The following LRRC41 variants were observed in gnomAD, a reference collection of about 807,000 sequenced individuals.
The protein encoded by LRRC41 is leucine rich repeat containing 41.
Under a neutral mutation model 72.1 loss-of-function variants are expected in LRRC41, and 17 were observed. That is an observed-to-expected ratio of 0.24 (90% CI 0.16 to 0.35). The LOEUF is 0.35. LRRC41 is among the 10% of genes least tolerant of loss of function. The probability of loss-of-function intolerance (pLI) is 1.00; values close to 1 mark genes in which losing one functional copy is unlikely to be tolerated. For synonymous variants in LRRC41, 427 were observed against 431.0 expected, an observed-to-expected ratio of 0.99 and a Z score of 0.11; for missense variants, 759 against 1,065.0, an observed-to-expected ratio of 0.71 and a Z score of 4.00.
At chr1:46,290,283 G>A (rs577267449) in intron 3 of LRRC41, among the ~76,000 whole-genome samples, 1 of 152,260 alleles carries the variant, frequency 6.6e-6, no homozygotes, top group East Asian at 1.9e-4. Context: ...AGTGGTGCAT[G>A]CCTGTAATCC....
In LRRC41 at chr1:46,286,820, A is replaced by AT. The variant is rs779928940; in HGVS notation, c.358-322dup. Among the ~76,000 whole-genome samples the AT allele has an allele frequency of 5.4e-4, 81 of 149,814 alleles. No homozygotes were observed. The highest frequency in any genetic ancestry group is 4.2e-3 in the Admixed American group (63 of 14,970). On this transcript the variant is annotated intron_variant, in intron 3 of 9. Transcript: ENST00000617190. This position sits in a 1 kb window ranked among gnomAD's most constrained non-coding sequence, Gnocchi z 5.5. The stretch of plus-strand genomic sequence containing the variant: ...TGTTTGTTTCTAGAACCTTATCCCA[A>AT]TTTTTTTTTTCTTTTTAAGATAGAG...
chr1:46,291,075 C>T (rs184199170), intron 3 of LRRC41, among the ~76,000 whole-genome samples: 8 of 151,544 alleles, frequency 5.3e-5, no homozygotes, highest in East Asian at 3.9e-4. Flanking sequence ...CAGGCACGTG[C>T]CACCACACCC....
rs1193774015 is a variant in LRRC41 at position 46,279,440 on chromosome 1, G to C, written c.2143+52C>G. 1 of 1,613,790 alleles carries C rather than the reference G, an allele frequency of 6.2e-7. No individual in the cohort carries two copies. The highest frequency in any genetic ancestry group is 1.3e-5 in the African/African-American group (1 of 74,908). On this transcript the variant is annotated intron_variant, in intron 8 of 9. Coordinates refer to ENST00000617190, the MANE Select transcript of LRRC41 (RefSeq NM_006369.5). This position sits in a 1 kb window ranked among gnomAD's most constrained non-coding sequence, Gnocchi z 4.5. Reference sequence around the variant, plus strand: ...TTTGCCTTTATCCAGTGAGTTTTTAGGTCAAAGGCCTAGCTCCTTTCCCCT... The same window carrying C: ...TTTGCCTTTATCCAGTGAGTTTTTACGTCAAAGGCCTAGCTCCTTTCCCCT...
At chr1:46,295,871 AG>A (rs1661114734) in intron 3 of LRRC41, among the ~76,000 whole-genome samples, 2 of 152,210 alleles carry the variant, frequency 1.3e-5, no homozygotes, top group Admixed American at 1.3e-4. Context: ...CAGATTTGGA[AG>A]TGAATAAGCC....
At position 46,302,112 on chromosome 1, in the gene LRRC41, T is replaced by C. The variant is rs1371788612; in HGVS notation, c.199+1012A>G. 1 of 984,916 alleles carries C rather than the reference T, an allele frequency of 1.0e-6. No individual in the cohort carries two copies. Among genetic ancestry groups the C allele is most frequent in the African/African-American group, 1.8e-5 (1 of 57,140 alleles). The allele number at this position is 984,916 out of a possible 1,614,324, so 61.0% of individuals were successfully genotyped here. A position where few individuals can be genotyped will look rare whatever the true frequency, so the allele number is the denominator to read the frequency against. ...CCGGTTCGCCCTCCCCGGCCGTTCA[T>C]CCCGGCGCCCCAGGCCGCCCTCCAT... On this transcript the variant is annotated intron_variant, in intron 1 of 9. Coordinates refer to ENST00000617190, the MANE Select transcript of LRRC41 (RefSeq NM_006369.5). This position sits in a 1 kb window ranked among gnomAD's most constrained non-coding sequence, Gnocchi z 4.7.
At chr1:46,287,197 C>T (rs530776820) in intron 3 of LRRC41, among the ~76,000 whole-genome samples, 29 of 152,196 alleles carry the variant, frequency 1.9e-4, no homozygotes, top group African/African-American at 3.6e-4. Context: ...CAAGCTCTGC[C>T]GCCCGGGTTC....
intron 3 of LRRC41, among the ~76,000 whole-genome samples, chr1:46,293,712 G>C (rs1021232167): frequency 1.3e-5 from 2 of 151,962 alleles, no homozygotes; most frequent in Non-Finnish European, 2.9e-5. Flanking sequence ...TTGGATTACA[G>C]GTGTGTGCCA....
chr1:46,283,761 A>G (rs1253891918), intron 4 of LRRC41, among the ~76,000 whole-genome samples: 2 of 151,782 alleles, frequency 1.3e-5, no homozygotes, highest in Non-Finnish European at 2.9e-5. Context: ...GTTAAAGTGC[A>G]GTAGTGCAGT....
intron 1 of LRRC41, among the ~76,000 whole-genome samples, chr1:46,301,140 C>G (rs559322043): frequency 1.1e-4 from 16 of 152,226 alleles, no homozygotes; most frequent in African/African-American, 3.4e-4. Flanking sequence ...CTCTAGTTAG[C>G]CATCTCTTCT....
Position 46,302,592 on chromosome 1 carries a change from G to T in LRRC41, c.199+532C>A. ...TCTCCAATCTGCTGTCCTCCCCTCC[G>T]CCCATCGGCTTGGCCTCCGGAATCT... On this transcript the variant is annotated intron_variant, in intron 1 of 9. Transcript: ENST00000617190. The surrounding 1 kb of genome is among the most constrained non-coding windows in gnomAD (Gnocchi z 4.7). 1.0e-6 allele frequency: 1 copy of T among 984,904 alleles called. No individual in the cohort carries two copies. Among genetic ancestry groups the T allele is most frequent in the South Asian group, 4.7e-5 (1 of 21,252 alleles). 61.0% of individuals were successfully genotyped at this position (984,904 alleles called of 1,614,324 possible).
Position 46,278,321 on chromosome 1 carries a change from A to G in LRRC41, c.*544T>C. 3 of 1,569,198 alleles carry G rather than the reference A, an allele frequency of 1.9e-6. No individual in the cohort carries two copies. The highest frequency in any genetic ancestry group is 2.6e-6 in the Non-Finnish European group (3 of 1,153,642). On this transcript the variant is annotated 3_prime_UTR_variant, in exon 10 of 10. Transcript: ENST00000617190. ...TGGGTGTAGCTCTTAGAGGAAGGAG[A>G]TAGGGAAAAGGGGCTCCTTGCTCCA...
In LRRC41 at chr1:46,303,149, C is replaced by T; in HGVS notation, c.174G>A (p.Met58Ile). Residue 58 changes from methionine to isoleucine, a missense_variant, in exon 1 of 10, where the codon ATG becomes ATA. Physicochemically the swap from Met to Ile is conservative, Grantham distance 10. Coordinates refer to ENST00000617190, the MANE Select transcript of LRRC41 (RefSeq NM_006369.5). Reference protein sequence around the residue: ...ELCGRAVSAHMGVLESGVWAL... With the variant: ...ELCGRAVSAHIGVLESGVWAL... ...CCCACACCCCGCTCTCCAGAACCCC[C>T]ATATGGGCGCTCACCGCCCGCCCGC... 1.3e-6 allele frequency: 2 copies of T among 1,528,032 alleles called. No homozygotes were observed. The highest frequency in any genetic ancestry group is 1.7e-6 in the Non-Finnish European group (2 of 1,143,430). 94.7% of individuals were successfully genotyped at this position (1,528,032 alleles called of 1,614,324 possible). A position where few individuals can be genotyped will look rare whatever the true frequency, so the allele number is the denominator to read the frequency against.
At chr1:46,282,895 T>C (rs1660808199) in intron 4 of LRRC41, among the ~76,000 whole-genome samples, 1 of 151,954 alleles carries the variant, frequency 6.6e-6, no homozygotes, top group South Asian at 2.1e-4. Context: ...TAGCTGGGCA[T>C]GGTGGCATGT....
Position 46,277,792 on chromosome 1 carries a change from AC to A in LRRC41, c.*1072del. The A allele has an allele frequency of 6.3e-7, 1 of 1,586,392 alleles. No individual in the cohort carries two copies. Among genetic ancestry groups the A allele is most frequent in the Non-Finnish European group, 8.7e-7 (1 of 1,155,654 alleles). ...GGATGGCTAAGCGCTGTATCTTTTG[AC>A]ATTCCCCACCTCCTCTTCCCCAGGC... On this transcript the variant is annotated 3_prime_UTR_variant, in exon 10 of 10. Transcript: ENST00000617190.
In LRRC41 at chr1:46,303,305, G is replaced by A. The variant is rs779718656; in HGVS notation, c.18C>T (p.Ala6=). The A allele has an allele frequency of 1.4e-5, 22 of 1,531,056 alleles. No individual in the cohort carries two copies. Among genetic ancestry groups the A allele is most frequent in the Non-Finnish European group, 3.5e-6 (4 of 1,140,718 alleles). 94.8% of individuals were successfully genotyped at this position (1,531,056 alleles called of 1,614,324 possible). ...AGAACCAGCAACTCCGGGCGCGCCA[G>A]GCCTCGGGCGCCGCCATCTTGGGGA... The part of the protein sequence containing the change: MAAPE[A]WRARSCWFCE... Residue 6 remains alanine, a synonymous_variant, in exon 1 of 10, where the codon GCC becomes GCT. Coordinates refer to ENST00000617190, the MANE Select transcript of LRRC41 (RefSeq NM_006369.5).
chr1:46,301,346 C>G (rs1041126269), intron 1 of LRRC41, among the ~76,000 whole-genome samples: 1 of 152,156 alleles, frequency 6.6e-6, no homozygotes, highest in Non-Finnish European at 1.5e-5. Context: ...GGCGGAAAAG[C>G]CAGACCCTCT....
At position 46,279,840 on chromosome 1, in the gene LRRC41, A is replaced by G. The variant is rs1660731617; in HGVS notation, c.2021-226T>C. ...TCTCTGCATGGACAATTCTCCATTC[A>G]CTTCCTTCTTTCCCTAACACTGGCC... On this transcript the variant is annotated intron_variant, in intron 7 of 9. Transcript: ENST00000617190. This position sits in a 1 kb window ranked among gnomAD's most constrained non-coding sequence, Gnocchi z 4.5. 6.6e-6 allele frequency among the ~76,000 whole-genome samples: 1 copy of G among 152,136 alleles called. No homozygotes were observed. The highest frequency in any genetic ancestry group is 2.4e-5 in the African/African-American group (1 of 41,422).
intron 4 of LRRC41, among the ~76,000 whole-genome samples, chr1:46,283,053 G>A (rs796926648): frequency 7.9e-5 from 12 of 150,964 alleles, no homozygotes; most frequent in African/African-American, 2.7e-4. Flanking sequence ...TACAACTATA[G>A]AGATAACCAG....
Position 46,303,246 on chromosome 1 carries a change from G to A in LRRC41, c.77C>T (p.Thr26Met), listed in dbSNP as rs771030008. The change falls in exon 1 of 10, where the codon ACG becomes ATG. Residue 26 changes from threonine to methionine, a missense_variant. This residue lies in a region of LRRC41 where 106 missense variants were observed against 66.1 expected (regional missense o/e 1.60). Coordinates refer to ENST00000617190, the MANE Select transcript of LRRC41 (RefSeq NM_006369.5). Reference protein sequence around the residue: ...EVAAATTMEATSREAAPAKSS... With the variant: ...EVAAATTMEAMSREAAPAKSS... Reference sequence around the variant, plus strand: ...CTTCGCTGGCGCCGCCTCCCGGGACGTGGCCTCCATGGTCGTTGCCGCCGC... The same window carrying A: ...CTTCGCTGGCGCCGCCTCCCGGGACATGGCCTCCATGGTCGTTGCCGCCGC... 1.5e-5 allele frequency: 23 copies of A among 1,552,206 alleles called. No homozygotes were observed. The highest frequency in any genetic ancestry group is 2.0e-5 in the Non-Finnish European group (23 of 1,150,444).
Sources: allele counts gnomAD v4.1 joint callset (sites outside exome capture counted in the v4.1 genomes callset), GRCh38; gene constraint gnomAD v4.1.1; regional missense constraint gnomAD v4.1.1; non-coding constraint Gnocchi (gnomAD v3.1); transcripts MANE v1.5; gene names NCBI Gene and HGNC (gene_info 2026-07-23, HGNC 2026-07-21).